The following DYTN variants were observed in gnomAD, a reference collection of about 807,000 sequenced individuals.
DYTN encodes dystrotelin.
In DYTN, 75 loss-of-function variants were observed where a neutral mutation model predicts 69.6. The observed-to-expected ratio is 1.08, with a 90% CI of 0.89 to 1.31. The LOEUF is 1.31. Among genes scored for constraint, DYTN ranks in the 50% most tolerant of loss-of-function variants. The probability of loss-of-function intolerance (pLI) is 0.00; values close to 1 mark genes in which losing one functional copy is unlikely to be tolerated. For synonymous variants in DYTN, 252 were observed against 249.1 expected (o/e 1.01, Z -0.11); for missense variants, 726 against 688.4 (o/e 1.05, Z -0.61).
chr2:206,711,746 C>T (rs1363623283), intron 1 of DYTN, among the ~76,000 whole-genome samples: 2 of 151,756 alleles, frequency 1.3e-5, no homozygotes, highest in Non-Finnish European at 2.9e-5. Context: ...TCCCCCCACC[C>T]CACAACAGGC....
At position 206,705,782 on chromosome 2, in the gene DYTN, T is replaced by C; in HGVS notation, c.382+6A>G. 1.2e-6 allele frequency: 2 copies of C among 1,613,432 alleles called. No individual in the cohort carries two copies. Among genetic ancestry groups the C allele is most frequent in the Non-Finnish European group, 1.7e-6 (2 of 1,179,700 alleles). On this transcript the variant is annotated splice_donor_region_variant and intron_variant, in intron 4 of 11. Transcript: ENST00000452335. ...TTTAGGACACCCGCAGTCCTCTGCA[T>C]GTTACCTCGGTATTTTGAAAGAGGG...
intron 9 of DYTN, 125 bp downstream of exon 9, chr2:206,693,049 AC>A: frequency 7.4e-7 from 1 of 1,353,868 alleles, no homozygotes; most frequent in South Asian, 1.6e-5. Flanking sequence ...CTGAAGTCCA[AC>A]CCTCACCCCT....
At chr2:206,718,053 C>T (rs542322895) in intron 1 of DYTN, among the ~76,000 whole-genome samples, 8 of 152,034 alleles carry the variant, frequency 5.3e-5, no homozygotes, top group African/African-American at 1.4e-4. Context: ...TTGGTGCTTT[C>T]GAGACAATAG....
chr2:206,655,602 T>A (rs1699439332), intron 11 of DYTN, among the ~76,000 whole-genome samples: 1 of 151,378 alleles, frequency 6.6e-6, no homozygotes, highest in Non-Finnish European at 1.5e-5. Context: ...TTTTTTTTTT[T>A]TTGTAGAGAT....
chr2:206,651,771 C>G lies in DYTN; in HGVS notation c.*47G>C, dbSNP rs1336112534. On this transcript the variant is annotated 3_prime_UTR_variant, in exon 12 of 12. Transcript: ENST00000452335. ...TAATTCTTTTAATACAGTTGTGCAA[C>G]TGCATTTTGTCATCACACCAAGAGG... The G allele has an allele frequency of 6.6e-7, 1 of 1,525,870 alleles. No individual in the cohort carries two copies. The highest frequency in any genetic ancestry group is 9.1e-7 in the Non-Finnish European group (1 of 1,102,692). The allele number at this position is 1,525,870 out of a possible 1,614,324, so 94.5% of individuals were successfully genotyped here. A position where few individuals can be genotyped will look rare whatever the true frequency, so the allele number is the denominator to read the frequency against.
At chr2:206,696,748 A>C (rs1362497267) in intron 7 of DYTN, among the ~76,000 whole-genome samples, 1 of 152,188 alleles carries the variant, frequency 6.6e-6, no homozygotes, top group Admixed American at 6.5e-5. Context: ...ACACTATCCT[A>C]GAATAGACCA....
intron 5 of DYTN, chr2:206,701,272 A>G (rs1220221340): frequency 6.6e-6 from 1 of 152,218 alleles, no homozygotes. Flanking sequence ...GATGGTAATT[A>G]CTACCCTTGT....
intron 11 of DYTN, among the ~76,000 whole-genome samples, chr2:206,653,801 G>C (rs1449075378): frequency 1.3e-5 from 2 of 152,226 alleles, no homozygotes; most frequent in Admixed American, 1.3e-4. Flanking sequence ...ATTCAAAACA[G>C]AACTCTTGAT....
intron 11 of DYTN, among the ~76,000 whole-genome samples, chr2:206,652,587 T>G (rs1472466562): frequency 6.6e-6 from 1 of 152,252 alleles, no homozygotes; most frequent in African/African-American, 2.4e-5. Context: ...CAAAGTATTT[T>G]TGTGATAAAA....
intron 11 of DYTN, among the ~76,000 whole-genome samples, chr2:206,653,322 T>C (rs1283216768): frequency 6.6e-6 from 1 of 152,194 alleles, no homozygotes. Context: ...TCTTGAAATA[T>C]TAAAAATAGC....
chr2:206,671,150 C>A (rs1330217347), intron 9 of DYTN, among the ~76,000 whole-genome samples: 1 of 152,146 alleles, frequency 6.6e-6, no homozygotes, highest in East Asian at 1.9e-4. Context: ...GCTCCTGGGG[C>A]ACCATGTTCC....
At chr2:206,687,797 A>G (rs1699828194) in intron 9 of DYTN, among the ~76,000 whole-genome samples, 1 of 152,086 alleles carries the variant, frequency 6.6e-6, no homozygotes, top group African/African-American at 2.4e-5. Flanking sequence ...ATATGCTTAG[A>G]TCAATTATTA....
intron 3 of DYTN, 98 bp downstream of exon 3, chr2:206,707,204 C>T (rs1476405703): frequency 1.4e-6 from 2 of 1,436,176 alleles, no homozygotes; most frequent in South Asian, 1.3e-5. Context: ...TTCTTATATA[C>T]CAAACCTCAA....
At chr2:206,705,636 A>G (rs911225055) in intron 4 of DYTN, among the ~76,000 whole-genome samples, 152 bp downstream of exon 4, 1 of 152,250 alleles carries the variant, frequency 6.6e-6, no homozygotes, top group African/African-American at 2.4e-5. Context: ...GAAAAATTCC[A>G]AAGTCCTCAA....
At position 206,651,892 on chromosome 2, in the gene DYTN, A is replaced by T. The variant is rs1382947640; in HGVS notation, c.1663T>A (p.Tyr555Asn). Residue 555 changes from tyrosine to asparagine, a missense_variant, in exon 12 of 12, where the codon TAC (tyrosine) becomes AAC (asparagine). Coordinates refer to ENST00000452335, the MANE Select transcript of DYTN (RefSeq NM_001093730.1). The part of the protein sequence containing the change: ...GPESSVNMDL[Y>N]SGAQRVCRAF... The stretch of plus-strand genomic sequence containing the variant: ...CTGCACACTCGCTGAGCTCCACTGT[A>T]CAGGTCCATGTTTACTGAAGACTCC... 6.2e-7 allele frequency: 1 copy of T among 1,613,390 alleles called. No individual in the cohort carries two copies. Among genetic ancestry groups the T allele is most frequent in the Admixed American group, 1.7e-5 (1 of 59,946 alleles).
chr2:206,653,320 T>C (rs562516931), intron 11 of DYTN, among the ~76,000 whole-genome samples: 13 of 152,326 alleles, frequency 8.5e-5, no homozygotes, highest in South Asian at 2.1e-4. Context: ...TCTCTTGAAA[T>C]ATTAAAAATA....
chr2:206,705,427 A>T (rs1161965818), intron 4 of DYTN, among the ~76,000 whole-genome samples: 2 of 152,204 alleles, frequency 1.3e-5, no homozygotes, highest in Non-Finnish European at 2.9e-5. Context: ...CCGTAATTTG[A>T]TAACTAACGG....
chr2:206,652,240 A>G (rs1195506274), intron 11 of DYTN, among the ~76,000 whole-genome samples: 1 of 152,166 alleles, frequency 6.6e-6, no homozygotes, highest in Non-Finnish European at 1.5e-5. Context: ...GTGAAAACAG[A>G]TTTCTGGACC....
At chr2:206,670,035 G>A (rs1319870465) in intron 9 of DYTN, among the ~76,000 whole-genome samples, 1 of 152,208 alleles carries the variant, frequency 6.6e-6, no homozygotes, top group Non-Finnish European at 1.5e-5. Context: ...AACAGCAGGA[G>A]CTAAGAGCTC....
Sources: gnomAD v4.1 joint callset for allele counts (sites outside exome capture counted in the v4.1 genomes callset) on GRCh38, gnomAD v4.1.1 for gene constraint, MANE v1.5 for transcripts, NCBI Gene and HGNC (gene_info 2026-07-23, HGNC 2026-07-21) for gene names.